Variants in HAUS6 observed in about 807,000 individuals in gnomAD.
HAUS6 encodes HAUS augmin-like complex subunit 6.
In HAUS6, 80 loss-of-function variants were observed where a neutral mutation model predicts 106.8. The observed-to-expected ratio is 0.75, with a 90% CI of 0.63 to 0.90. HAUS6 has a LOEUF of 0.90. HAUS6 is among the 40% of genes least tolerant of loss of function. HAUS6 has a pLI of 0.00. For synonymous variants in HAUS6, 356 were observed against 379.1 expected (o/e 0.94, Z 0.71); for missense variants, 1,155 against 1,118.1 (o/e 1.03, Z -0.47).
At chr9:19,095,155 C>T (rs1321072662) in intron 2 of HAUS6, among the ~76,000 whole-genome samples, 1 of 150,960 alleles carries the variant, frequency 6.6e-6, no homozygotes, top group African/African-American at 2.4e-5. Context: ...CTTATCATAA[C>T]TGTGGGTGCT....
intron 11 of HAUS6, among the ~76,000 whole-genome samples, chr9:19,074,282 A>C (rs931541802): frequency 2.6e-5 from 4 of 152,116 alleles, no homozygotes; most frequent in Non-Finnish European, 5.9e-5. Context: ...AAGAGAAAGA[A>C]GAGAGAGAGG....
Position 19,076,739 on chromosome 9 carries a change from A to G in HAUS6, c.1192-35T>C, listed in dbSNP as rs748281343. On this transcript the variant is annotated intron_variant, in intron 10 of 16. Transcript: ENST00000380502. ...GAAAATTCACAATTTTGAAGTAAACATATTTGCTAACTACCACAATAACAA... is the reference window on the plus strand; with the variant it reads ...GAAAATTCACAATTTTGAAGTAAACGTATTTGCTAACTACCACAATAACAA... 1.6e-5 allele frequency: 15 copies of G among 917,780 alleles called. No individual in the cohort carries two copies. In the African/African-American group the frequency reaches 2.4e-4, roughly 15 times the overall value. 56.9% of individuals were successfully genotyped at this position (917,780 alleles called of 1,614,324 possible).
At position 19,059,006 on chromosome 9, in the gene HAUS6, T is replaced by C. The variant is rs776505589; in HGVS notation, c.1766-5A>G. On this transcript the variant is annotated splice_polypyrimidine_tract_variant and splice_region_variant and intron_variant, in intron 15 of 16. Transcript: ENST00000380502. ...ATGAGCTCCTAATTTCAGTTACTAA[T>C]TAAAGGGGAGAAAAACACAGTTTAC... 2 of 1,510,746 alleles carry C rather than the reference T, an allele frequency of 1.3e-6. No individual in the cohort carries two copies. Among genetic ancestry groups the C allele is most frequent in the East Asian group, 2.3e-5 (1 of 44,200 alleles). The allele number at this position is 1,510,746 out of a possible 1,614,324, so 93.6% of individuals were successfully genotyped here.
At chr9:19,095,025 T>C (rs1025387547) in intron 2 of HAUS6, among the ~76,000 whole-genome samples, 1 of 151,668 alleles carries the variant, frequency 6.6e-6, no homozygotes, top group South Asian at 2.1e-4. Flanking sequence ...AAAGACAATA[T>C]AAATAAATTA....
intron 1 of HAUS6, among the ~76,000 whole-genome samples, chr9:19,097,303 G>C (rs1012256611): frequency 6.6e-6 from 1 of 152,142 alleles, no homozygotes; most frequent in African/African-American, 2.4e-5. Flanking sequence ...TGCCATCAGA[G>C]TGAACAGGCA....
intron 2 of HAUS6, among the ~76,000 whole-genome samples, chr9:19,095,667 T>C (rs1817846133): frequency 6.6e-6 from 1 of 151,922 alleles, no homozygotes; most frequent in African/African-American, 2.4e-5. Context: ...AAAATGAAAA[T>C]AATGCCCTAA....
intron 4 of HAUS6, among the ~76,000 whole-genome samples, chr9:19,091,207 G>A (rs926417029): frequency 2.6e-5 from 4 of 152,018 alleles, no homozygotes. Flanking sequence ...GGCTGAAGCA[G>A]TAGAATCGCT....
rs1299491635 is a variant in HAUS6 at position 19,071,978 on chromosome 9, C to A, written c.1295-1678G>T. 2.0e-5 allele frequency among the ~76,000 whole-genome samples: 3 copies of A among 152,000 alleles called. No individual in the cohort carries two copies. In the East Asian group the frequency reaches 5.8e-4, roughly 29 times the overall value. ...CAACACTTTGGGAGGCCAAGGTGGG[C>A]GGATCACCTAAGGTCAGGAGTTTGA... On this transcript the variant is annotated intron_variant, in intron 11 of 16. Transcript: ENST00000380502.
rs774547775 is a variant in HAUS6, at chr9:19,089,470, A to C, written c.526T>G (p.Phe176Val). 7 of 1,612,622 alleles carry C rather than the reference A, an allele frequency of 4.3e-6. No homozygotes were observed. The highest frequency in any genetic ancestry group is 5.9e-6 in the Non-Finnish European group (7 of 1,178,650). ...IARCHFARSR[F>V]LQILQRQDCV... ...TCTTGTCTTTGCAAAATTTGTAAAA[A>C]TCTGCTACGTGCGAAATGGCATCTG... Residue 176 changes from phenylalanine (F) to valine (V), a missense_variant, in exon 5 of 17, where the codon TTT (phenylalanine) becomes GTT (valine). Phe to Val is a conservative substitution (Grantham distance 50). Coordinates refer to ENST00000380502, the MANE Select transcript of HAUS6 (RefSeq NM_017645.5).
rs189528548 is a variant in HAUS6 at position 19,078,763 on chromosome 9, C to T, written c.1065-461G>A. Among the ~76,000 whole-genome samples the T allele has an allele frequency of 2.9e-3, 442 of 150,502 alleles. 1 individual carries two copies. Among genetic ancestry groups the T allele is most frequent in the African/African-American group, 9.8e-3 (401 of 40,906 alleles). ...AGATCGTGCCATTGCACTCCATGCACTCCAGCCTGGGAGACAAGAGTAAAA... is the reference window on the plus strand; with the variant it reads ...AGATCGTGCCATTGCACTCCATGCATTCCAGCCTGGGAGACAAGAGTAAAA... On this transcript the variant is annotated intron_variant, in intron 9 of 16. Transcript: ENST00000380502.
In HAUS6 at chr9:19,056,101, T is replaced by G. The variant is rs1351757280; in HGVS notation, c.*242A>C. ...TCAAGAAATCAAAATGGCTTCCCAT[T>G]GCTTGACGTTTGTTGTCCAAATACT... On this transcript the variant is annotated 3_prime_UTR_variant, in exon 17 of 17. Transcript: ENST00000380502. 5.1e-6 allele frequency: 2 copies of G among 395,686 alleles called. No individual in the cohort carries two copies. The highest frequency in any genetic ancestry group is 8.2e-5 in the Admixed American group (2 of 24,410). 24.5% of individuals were successfully genotyped at this position (395,686 alleles called of 1,614,324 possible).
Position 19,088,381 on chromosome 9 carries a change from G to A in HAUS6, c.584+1031C>T, listed in dbSNP as rs1394366626. ...CAGTGAGCCGAGATTGTGACACTGCGCTCCAGCCAGGGCAACAGAGTGAGA... is the reference window on the plus strand; with the variant it reads ...CAGTGAGCCGAGATTGTGACACTGCACTCCAGCCAGGGCAACAGAGTGAGA... On this transcript the variant is annotated intron_variant, in intron 5 of 16. Coordinates refer to ENST00000380502, the MANE Select transcript of HAUS6 (RefSeq NM_017645.5). Among the ~76,000 whole-genome samples, 5 of 147,342 alleles carry A rather than the reference G, an allele frequency of 3.4e-5. No homozygotes were observed. The East Asian group carries it at 6.1e-4, about 18-fold the overall frequency.
rs924219584 is a variant in HAUS6, at chr9:19,097,725, G to C, written c.129-956C>G. On this transcript the variant is annotated intron_variant, in intron 1 of 16. Transcript: ENST00000380502. ...TCTTTATAACATAATGCTGGCAATA[G>C]TTTTTATTGTGCCAATTACCCTAAT... Among the ~76,000 whole-genome samples, 6 of 150,740 alleles carry C rather than the reference G, an allele frequency of 4.0e-5. No homozygotes were observed. In the Admixed American group the frequency reaches 4.0e-4, roughly 10 times the overall value.
At position 19,078,157 on chromosome 9, in the gene HAUS6, G is replaced by A; in HGVS notation, c.1191+19C>T. On this transcript the variant is annotated intron_variant, in intron 10 of 16. Transcript: ENST00000380502. Reference sequence around the variant, plus strand: ...AAGGTGGGTGGCGGGGAGGGCAGGGGCAAGTCAACATTACTTACTGGAGTC... The same window carrying A: ...AAGGTGGGTGGCGGGGAGGGCAGGGACAAGTCAACATTACTTACTGGAGTC... 4 of 1,587,038 alleles carry A rather than the reference G, an allele frequency of 2.5e-6. No individual in the cohort carries two copies. The highest frequency in any genetic ancestry group is 2.2e-5 in the East Asian group (1 of 44,738).
chr9:19,081,643 T>C (rs964467144), intron 8 of HAUS6, among the ~76,000 whole-genome samples: 2 of 152,064 alleles, frequency 1.3e-5, no homozygotes, highest in African/African-American at 2.4e-5. Flanking sequence ...TTTCATCATG[T>C]TGGCCAGGCT....
chr9:19,056,125 C>A lies in HAUS6; in HGVS notation c.*218G>T, dbSNP rs2131091795. 2.4e-6 allele frequency: 1 copy of A among 422,296 alleles called. No homozygotes were observed. The highest frequency in any genetic ancestry group is 3.4e-5 in the East Asian group (1 of 29,428). The allele number at this position is 422,296 out of a possible 1,614,324, so 26.2% of individuals were successfully genotyped here. A position where few individuals can be genotyped will look rare whatever the true frequency, so the allele number is the denominator to read the frequency against. On this transcript the variant is annotated 3_prime_UTR_variant, in exon 17 of 17. Coordinates refer to ENST00000380502, the MANE Select transcript of HAUS6 (RefSeq NM_017645.5). ...TTGCTTGACGTTTGTTGTCCAAATA[C>A]TTCACATTTCAATCTCATATACCTA...
chr9:19,057,758 C>G, intron 16 of HAUS6: 1 of 418,538 alleles, frequency 2.4e-6, no homozygotes, highest in Non-Finnish European at 4.2e-6. Context: ...CCACCCCTGT[C>G]TCAAATCAAT....
chr9:19,061,079 G>A (rs902580659), intron 14 of HAUS6, among the ~76,000 whole-genome samples: 1 of 152,206 alleles, frequency 6.6e-6, no homozygotes, highest in Admixed American at 6.5e-5. Context: ...CAGGAGAATC[G>A]CTTGAACCCG....
intron 1 of HAUS6, among the ~76,000 whole-genome samples, chr9:19,102,130 CA>C (rs1254197368): frequency 6.6e-6 from 1 of 152,154 alleles, no homozygotes; most frequent in Non-Finnish European, 1.5e-5. Flanking sequence ...TAAAATTAAA[CA>C]ACCACCTTCA....
Sources: allele counts gnomAD v4.1 joint callset (sites outside exome capture counted in the v4.1 genomes callset), GRCh38; gene constraint gnomAD v4.1.1; transcripts MANE v1.5; gene names NCBI Gene and HGNC (gene_info 2026-07-23, HGNC 2026-07-21).